TMEM217: variants seen among roughly 807,000 people sequenced by gnomAD.
The protein encoded by TMEM217 is chromosome 6 open reading frame 128.
For missense variants in TMEM217, 204 were observed against 248.8 expected (o/e 0.82, Z 1.21); for synonymous variants, 76 against 88.3 (o/e 0.86, Z 0.78).
At chr6:37,226,243 T>C (rs114344229) in intron 1 of TMEM217, among the ~76,000 whole-genome samples, 1,591 of 148,938 alleles carry the variant, frequency 0.011, 30 homozygotes, top group African/African-American at 0.035. Context: ...TTCTCTTTTT[T>C]TGTTTTGTTT....
Position 37,229,341 on chromosome 6 carries a change from T to TTTTG in TMEM217, c.-11-10301_-11-10300insCAAA, listed in dbSNP as rs1554170956. Among the ~76,000 whole-genome samples the TTTTG allele has an allele frequency of 2.1e-4, 26 of 124,848 alleles. 1 individual carries two copies. Among genetic ancestry groups the TTTTG allele is most frequent in the East Asian group, 4.7e-4 (2 of 4,300 alleles). The allele number at this position is 124,848 out of a possible 152,430, so 81.9% of individuals were successfully genotyped here. A position where few individuals can be genotyped will look rare whatever the true frequency, so the allele number is the denominator to read the frequency against. On this transcript the variant is annotated intron_variant, in intron 1 of 1. Transcript: ENST00000357219. ...GTCTCCCTAGCAACTTTCAGTTTTT[T>TTTTG]TTTTTTTTTTTTTTTTTTTGAGACA...
At position 37,247,928 on chromosome 6, in the gene TMEM217, T is replaced by A. The variant is rs1343594215; in HGVS notation, c.-12+9640A>T. On this transcript the variant is annotated intron_variant, in intron 1 of 1. Coordinates refer to ENST00000357219, the Ensembl canonical transcript of TMEM217. ...GTTCTCGGGAGATGGGGGAAGAGCC[T>A]TCAGGCACATGAAGAGGATGAGGGA... Among the ~76,000 whole-genome samples the A allele has an allele frequency of 5.3e-5, 8 of 152,132 alleles. 1 individual carries two copies. The South Asian group carries it at 1.5e-3, about 28-fold the overall frequency.
rs140650503 is a variant in TMEM217 at position 37,229,052 on chromosome 6, A to G, written c.-11-10011T>C. Among the ~76,000 whole-genome samples the G allele has an allele frequency of 6.9e-3, 1,056 of 152,188 alleles. 4 individuals carry two copies. Among genetic ancestry groups the G allele is most frequent in the Non-Finnish European group, 0.011 (724 of 68,008 alleles). On this transcript the variant is annotated intron_variant, in intron 1 of 1. Coordinates refer to ENST00000357219, the Ensembl canonical transcript of TMEM217. ...ATAATAATAATAACGAACATTTAAT[A>G]AAAGCTTACTTTGTGCCAGGCACTG...
intron 1 of TMEM217, among the ~76,000 whole-genome samples, chr6:37,222,657 A>C (rs1763595594): frequency 6.6e-6 from 1 of 152,322 alleles, no homozygotes; most frequent in African/African-American, 2.4e-5. Context: ...GCCCTCCTCC[A>C]AGAGCACAGG....
exon 4 of TMEM217, chr6:37,212,496 G>C: frequency 2.2e-6 from 1 of 456,700 alleles, no homozygotes; most frequent in Non-Finnish European, 4.4e-6. Context: ...GCCTGTGGCG[G>C]CGTTTCCTGC....
intron 1 of TMEM217, among the ~76,000 whole-genome samples, chr6:37,234,695 C>G (rs762714476): frequency 3.3e-5 from 5 of 151,930 alleles, no homozygotes; most frequent in Non-Finnish European, 7.4e-5. Context: ...GAGATGGTGC[C>G]ACTGCACTCC....
At chr6:37,258,078 T>G in exon 1 of TMEM217, 1 of 1,330,156 alleles carries the variant, frequency 7.5e-7, no homozygotes, top group Non-Finnish European at 1.0e-6. Flanking sequence ...AGAAGACTGG[T>G]TTGGGGAAGC....
chr6:37,218,798 A>T, exon 2 of TMEM217: 1 of 1,614,206 alleles, frequency 6.2e-7, no homozygotes, highest in Non-Finnish European at 8.5e-7. Context: ...GAAGCAGCTG[A>T]TGAGGATGGT....
chr6:37,220,882 T>A (rs965390194), intron 1 of TMEM217, among the ~76,000 whole-genome samples: 1 of 152,132 alleles, frequency 6.6e-6, no homozygotes, highest in African/African-American at 2.4e-5. Flanking sequence ...ATTTTTGCAT[T>A]ATTTAAAATT....
downstream of TMEM217, among the ~76,000 whole-genome samples, chr6:37,217,396 T>G (rs1763267332): frequency 6.6e-6 from 1 of 152,268 alleles, no homozygotes; most frequent in Non-Finnish European, 1.5e-5. Flanking sequence ...TATGATTGGC[T>G]AATTGATTCA....
At chr6:37,237,896 G>T (rs530367962) in intron 1 of TMEM217, among the ~76,000 whole-genome samples, 1 of 152,242 alleles carries the variant, frequency 6.6e-6, no homozygotes, top group African/African-American at 2.4e-5. Context: ...CAAAGTGAAG[G>T]ATAATGAGCT....
At chr6:37,234,102 CT>C (rs70977637) in intron 1 of TMEM217, among the ~76,000 whole-genome samples, 94,682 of 127,570 alleles carry the variant, frequency 0.74, 34,645 homozygotes, top group South Asian at 0.84. Context: ...TATTAAATGC[CT>C]TTTTTTTTTT....
chr6:37,255,199 G>A (rs1765650500), intron 1 of TMEM217, among the ~76,000 whole-genome samples: 1 of 152,140 alleles, frequency 6.6e-6, no homozygotes, highest in Non-Finnish European at 1.5e-5. Context: ...ATAGAGCCAG[G>A]CAATAAGACC....
chr6:37,215,129 T>TA, downstream of TMEM217: 3 of 1,594,108 alleles, frequency 1.9e-6, no homozygotes, highest in Non-Finnish European at 2.6e-6. Flanking sequence ...GTCACTATAA[T>TA]AATGGCCTAA....
chr6:37,218,068 A>T, exon 2 of TMEM217: 3 of 1,002,602 alleles, frequency 3.0e-6, no homozygotes, highest in Non-Finnish European at 3.6e-6. Context: ...AAGTGGGGGG[A>T]AAAAAGGAAA....
In TMEM217 at chr6:37,218,393, T is replaced by G. The variant is rs542270530; in HGVS notation, c.*29A>C. On this transcript the variant is annotated 3_prime_UTR_variant, in exon 2 of 2. Transcript: ENST00000357219. ...GCCATGGCTGCCAAGGCCAGGCTGG[T>G]CTTGAACTCCTGACCTCAGGCGATC... 1.4e-5 allele frequency: 21 copies of G among 1,497,158 alleles called. No individual in the cohort carries two copies. In the Admixed American group the frequency reaches 3.1e-4, roughly 22 times the overall value. The allele number at this position is 1,497,158 out of a possible 1,614,324, so 92.7% of individuals were successfully genotyped here.
intron 1 of TMEM217, among the ~76,000 whole-genome samples, chr6:37,222,855 C>G (rs1763614238): frequency 6.6e-6 from 1 of 152,210 alleles, no homozygotes; most frequent in Admixed American, 6.5e-5. Flanking sequence ...AGTGTGTAAC[C>G]CTAGCCGCGC....
chr6:37,257,478 T>A (rs11963012), intron 1 of TMEM217, 90 bp downstream of exon 1: 4,968 of 170,944 alleles, frequency 0.029, 258 homozygotes, highest in African/African-American at 0.11. Context: ...CATAGTATGT[T>A]CTCTCTTGCC....
rs140697735 is a variant in TMEM217, at chr6:37,236,128, A to C, written c.-11-17087T>G. Among the ~76,000 whole-genome samples the C allele has an allele frequency of 1.4e-3, 219 of 152,274 alleles. 3 individuals carry two copies. Among genetic ancestry groups the C allele is most frequent in the African/African-American group, 5.0e-3 (208 of 41,562 alleles). Reference sequence around the variant, plus strand: ...CGTGTTTGAACTGAAAAAAGTGTGTAGTGTTTATTTTATTTTTAATTTAAA... The same window carrying C: ...CGTGTTTGAACTGAAAAAAGTGTGTCGTGTTTATTTTATTTTTAATTTAAA... On this transcript the variant is annotated intron_variant, in intron 1 of 1. Transcript: ENST00000357219.
Sources: allele counts gnomAD v4.1 joint callset (sites outside exome capture counted in the v4.1 genomes callset), GRCh38; gene constraint gnomAD v4.1.1; transcripts MANE v1.5; gene names NCBI Gene and HGNC (gene_info 2026-07-23, HGNC 2026-07-21).